Variants in IL17RB observed in about 807,000 individuals in gnomAD.
The protein encoded by IL17RB is interleukin-17 receptor B.
In IL17RB, 36 loss-of-function variants were observed where a neutral mutation model predicts 43.9. The observed-to-expected ratio is 0.82, with a 90% confidence interval of 0.63 to 1.08. The LOEUF (loss-of-function observed/expected upper bound fraction) is 1.08. Ranked by LOEUF, IL17RB falls within the 50% of genes least tolerant of loss-of-function variation. The probability of loss-of-function intolerance (pLI) is 0.00; values close to 1 mark genes in which losing one functional copy is unlikely to be tolerated. For synonymous variants in IL17RB, 225 were observed against 225.4 expected, an observed-to-expected ratio of 1.00 and a Z score of 0.02; for missense variants, 613 against 613.6, an observed-to-expected ratio of 1.00 and a Z score of 0.01.
At chr3:53,851,819 T>C (rs545830777) in intron 3 of IL17RB, among the ~76,000 whole-genome samples, 180 bp from the exon 4 acceptor site, 1 of 152,338 alleles carries the variant, frequency 6.6e-6, no homozygotes, top group African/African-American at 2.4e-5. Context: ...CAGAGCTCCC[T>C]GAAACTTCCT....
intron 5 of IL17RB, 145 bp from the exon 6 acceptor site, chr3:53,855,149 C>A: frequency 2.3e-6 from 1 of 432,088 alleles, no homozygotes; most frequent in Non-Finnish European, 4.3e-6. Flanking sequence ...AAATTAGAGC[C>A]CCATTTGAAT....
intron 3 of IL17RB, 53 bp downstream of exon 3, chr3:53,849,848 T>G: frequency 6.6e-7 from 1 of 1,512,314 alleles, no homozygotes; most frequent in Non-Finnish European, 9.0e-7. Flanking sequence ...AAATCAGAAA[T>G]GTGCAGACTA....
chr3:53,861,779 T>A (rs1699572995), intron 10 of IL17RB, among the ~76,000 whole-genome samples: 1 of 152,020 alleles, frequency 6.6e-6, no homozygotes, highest in Non-Finnish European at 1.5e-5. Flanking sequence ...ATTAAGAAAA[T>A]CACTGAGGAG....
At chr3:53,856,248 T>C (rs1424376257) in intron 6 of IL17RB, among the ~76,000 whole-genome samples, 1 of 152,232 alleles carries the variant, frequency 6.6e-6, no homozygotes, top group African/African-American at 2.4e-5. Context: ...TATACATTGT[T>C]GTTCCTGGAA....
At chr3:53,850,571 A>G (rs1174332484) in intron 3 of IL17RB, among the ~76,000 whole-genome samples, 2 of 151,974 alleles carry the variant, frequency 1.3e-5, no homozygotes, top group Non-Finnish European at 2.9e-5. Context: ...TGGGAGGCCA[A>G]GGCGGGTAGA....
intron 2 of IL17RB, 27 bp from the exon 3 acceptor site, chr3:53,849,628 T>C (rs754750277): frequency 1.4e-5 from 22 of 1,572,668 alleles, no homozygotes; most frequent in Non-Finnish European, 1.9e-5. Flanking sequence ...GGAAAGACAG[T>C]GTCATGGAAG....
At position 53,865,660 on chromosome 3, in the gene IL17RB, T is replaced by TTAA. The variant is rs1364246116; in HGVS notation, c.*354_*356dup. On this transcript the variant is annotated 3_prime_UTR_variant, in exon 11 of 11. Coordinates refer to ENST00000288167, the MANE Select transcript of IL17RB (RefSeq NM_018725.4). Reference sequence around the variant, plus strand: ...GAACTGTTTAGCTAATATTCTATGTTTAATTAATGAATACTAACTCTAAGA... The same window carrying TTAA: ...GAACTGTTTAGCTAATATTCTATGTTTAATAATTAATGAATACTAACTCTAAGA... 5.7e-6 allele frequency: 1 copy of TTAA among 174,746 alleles called. No homozygotes were observed. The highest frequency in any genetic ancestry group is 2.4e-5 in the African/African-American group (1 of 42,268). The allele number at this position is 174,746 out of a possible 1,614,324, so 10.8% of individuals were successfully genotyped here. A position where few individuals can be genotyped will look rare whatever the true frequency, so the allele number is the denominator to read the frequency against.
intron 8 of IL17RB, 74 bp downstream of exon 8, chr3:53,857,764 T>C: frequency 7.5e-7 from 1 of 1,329,586 alleles, no homozygotes; most frequent in Non-Finnish European, 1.1e-6. Flanking sequence ...CTTTTAAGGA[T>C]GAGTTCTCTC....
intron 8 of IL17RB, 87 bp downstream of exon 8, chr3:53,857,777 G>A: frequency 1.7e-6 from 2 of 1,197,334 alleles, no homozygotes; most frequent in South Asian, 1.2e-5. Context: ...GTTCTCTCTT[G>A]TCAAATGCAC....
intron 6 of IL17RB, among the ~76,000 whole-genome samples, chr3:53,856,111 A>G (rs764354561): frequency 8.5e-5 from 13 of 152,318 alleles, no homozygotes; most frequent in African/African-American, 2.2e-4. Context: ...CACCAAGGGT[A>G]CAGAGAACAC....
rs934728182 is a variant in IL17RB, at chr3:53,865,134, G to A, written c.1335G>A (p.Val445=). Residue 445 remains valine (V), a synonymous_variant, in exon 11 of 11, where the codon GTG becomes GTA. Transcript: ENST00000288167. The part of the protein sequence containing the change: ...RSQIHLHKYV[V]VYFREIDTKD... ...AGATTCATCTGCACAAATACGTGGT[G>A]GTCTACTTTAGAGAGATTGATACAA... is the stretch of plus-strand genomic sequence containing the variant. 1.9e-6 allele frequency: 3 copies of A among 1,613,994 alleles called. No individual in the cohort carries two copies. The highest frequency in any genetic ancestry group is 2.5e-6 in the Non-Finnish European group (3 of 1,180,016).
intron 9 of IL17RB, 23 bp from the exon 10 acceptor site, chr3:53,860,107 T>C (rs1467691578): frequency 1.3e-6 from 2 of 1,561,490 alleles, no homozygotes; most frequent in Non-Finnish European, 1.8e-6. Context: ...TTTCCAAAGG[T>C]GAATAAGCTT....
chr3:53,858,447 C>T (rs755524499), intron 8 of IL17RB: 11 of 1,267,244 alleles, frequency 8.7e-6, no homozygotes, highest in Non-Finnish European at 9.0e-6. Flanking sequence ...TAAGATATGA[C>T]CTAGCCCTTT....
chr3:53,851,301 G>A (rs1408462045), intron 3 of IL17RB, among the ~76,000 whole-genome samples: 1 of 152,196 alleles, frequency 6.6e-6, no homozygotes, highest in East Asian at 1.9e-4. Flanking sequence ...GAGGGGTAGG[G>A]GAGGCAGACA....
intron 3 of IL17RB, 81 bp downstream of exon 3, chr3:53,849,876 C>T: frequency 1.5e-6 from 2 of 1,364,610 alleles, no homozygotes; most frequent in Non-Finnish European, 2.0e-6. Flanking sequence ...CATTAATTCC[C>T]CTTCTACGCA....
chr3:53,852,727 C>T, intron 4 of IL17RB, 144 bp from the exon 5 acceptor site: 1 of 651,250 alleles, frequency 1.5e-6, no homozygotes, highest in Non-Finnish European at 2.6e-6. Context: ...GTTTAGTGCC[C>T]ATTCCCTAAG....
chr3:53,853,395 T>G (rs1699227769), intron 5 of IL17RB, among the ~76,000 whole-genome samples: 1 of 152,256 alleles, frequency 6.6e-6, no homozygotes, highest in Admixed American at 6.5e-5. Flanking sequence ...GCAATGCACC[T>G]GAGCCACTCT....
intron 3 of IL17RB, among the ~76,000 whole-genome samples, chr3:53,851,652 G>C (rs1576828974): frequency 6.6e-6 from 1 of 152,178 alleles, no homozygotes; most frequent in South Asian, 2.1e-4. Context: ...CCTGAGGCCA[G>C]CCTCTTCCTC....
Position 53,856,899 on chromosome 3 carries a change from A to C in IL17RB, c.585A>C (p.Glu195Asp), listed in dbSNP as rs1431858040. Residue 195 changes from glutamate to aspartate, a missense_variant, in exon 7 of 11, where the codon GAA becomes GAC. Glu to Asp is a conservative substitution (Grantham distance 45, BLOSUM62 2). Transcript: ENST00000288167. ...TACKKNEETV[E>D]VNFTTTPLGN... Reference sequence around the variant, plus strand: ...GTAAGAAGAATGAGGAGACAGTAGAAGTGAACTTCACAACCACTCCCCTGG... The same window carrying C: ...GTAAGAAGAATGAGGAGACAGTAGACGTGAACTTCACAACCACTCCCCTGG... 6.2e-7 allele frequency: 1 copy of C among 1,614,008 alleles called. No homozygotes were observed. The highest frequency in any genetic ancestry group is 8.5e-7 in the Non-Finnish European group (1 of 1,179,948).
Sources: gnomAD v4.1 joint callset for allele counts (sites outside exome capture counted in the v4.1 genomes callset) on GRCh38, gnomAD v4.1.1 for gene constraint, MANE v1.5 for transcripts, NCBI Gene and HGNC (gene_info 2026-07-23, HGNC 2026-07-21) for gene names.